Variants in STOX2 observed in about 807,000 individuals in gnomAD.
STOX2 encodes the protein storkhead box 2.
In STOX2, 28 loss-of-function variants were observed where a neutral mutation model predicts 60.9. The observed-to-expected ratio is 0.46, with a 90% CI of 0.34 to 0.63. The LOEUF (loss-of-function observed/expected upper bound fraction) is 0.63, where lower values mean the gene tolerates loss of function less well. Among genes scored for constraint, STOX2 ranks in the 30% least tolerant of loss-of-function variants. STOX2 has a pLI of 0.01. For missense variants in STOX2, 1,024 were observed against 1,187.7 expected, an observed-to-expected ratio of 0.86 and a Z score of 2.03; for synonymous variants, 472 against 463.9, an observed-to-expected ratio of 1.02 and a Z score of -0.22.
intron 2 of STOX2, among the ~76,000 whole-genome samples, chr4:184,003,546 G>A (rs1445095785): frequency 6.6e-6 from 1 of 152,208 alleles, no homozygotes; most frequent in Non-Finnish European, 1.5e-5. Flanking sequence ...TCAGAAGTTT[G>A]CAAGGACACC....
In STOX2 at chr4:183,800,962, A is replaced by G. The variant is rs142130263; in HGVS notation, c.364+2907A>G. Among the ~76,000 whole-genome samples the G allele has an allele frequency of 2.6e-3, 398 of 152,338 alleles. 2 individuals are homozygous for G. The highest frequency in any genetic ancestry group is 4.9e-3 in the Non-Finnish European group (330 of 68,038). Reference sequence around the variant, plus strand: ...CTTTTGTCTGGCTGTGCTGTGGTACAGTTGAGGCAAACCTACACTTTCACA... The same window carrying G: ...CTTTTGTCTGGCTGTGCTGTGGTACGGTTGAGGCAAACCTACACTTTCACA... On this transcript the variant is annotated intron_variant, in intron 1 of 2. Transcript: ENST00000513034.
intron 1 of STOX2, among the ~76,000 whole-genome samples, chr4:183,956,016 C>T (rs1289752270): frequency 6.6e-6 from 1 of 152,162 alleles, no homozygotes; most frequent in African/African-American, 2.4e-5. Context: ...CTGATTTCTC[C>T]TTTCAGCTAT....
Position 183,973,065 on chromosome 4 carries a change from T to C in STOX2, c.167-28260T>C, listed in dbSNP as rs535326695. Among the ~76,000 whole-genome samples the C allele has an allele frequency of 1.1e-4, 17 of 150,532 alleles. No individual in the cohort carries two copies. In the East Asian group the frequency reaches 3.1e-3, roughly 27 times the overall value. ...TCAATCTCAACAACAGAGAAAAAGA[T>C]TGAAAAAAAAATAAGTAAACAGAGC... On this transcript the variant is annotated intron_variant, in intron 1 of 3. Coordinates refer to ENST00000308497, the MANE Select transcript of STOX2 (RefSeq NM_020225.3).
chr4:183,937,479 A>T (rs1742619614), intron 1 of STOX2, among the ~76,000 whole-genome samples: 1 of 152,128 alleles, frequency 6.6e-6, no homozygotes. Flanking sequence ...TTGCTTAGGG[A>T]GGTCAGTGTT....
intron 1 of STOX2, among the ~76,000 whole-genome samples, chr4:183,898,810 G>A (rs781780486): frequency 3.9e-5 from 6 of 152,154 alleles, no homozygotes; most frequent in Non-Finnish European, 8.8e-5. Context: ...CGTCCTGAGT[G>A]GATTTGGCAG....
intron 1 of STOX2, among the ~76,000 whole-genome samples, chr4:183,832,843 CA>C (rs1214782304): frequency 6.6e-6 from 1 of 152,116 alleles, no homozygotes; most frequent in Non-Finnish European, 1.5e-5. Flanking sequence ...ACTCTCGGCT[CA>C]ATTAAAAAGA....
intron 1 of STOX2, among the ~76,000 whole-genome samples, chr4:183,924,429 C>T (rs1742184317): frequency 6.6e-6 from 1 of 152,004 alleles, no homozygotes. Context: ...GAGGGGCAGG[C>T]AGCCCAGCAG....
At chr4:183,910,913 G>A (rs1016435736) in intron 1 of STOX2, among the ~76,000 whole-genome samples, 11 of 152,192 alleles carry the variant, frequency 7.2e-5, no homozygotes, top group Admixed American at 2.0e-4. Flanking sequence ...GTTTGACTGT[G>A]TGTTCCAGTT....
chr4:183,908,022 C>A lies in STOX2; in HGVS notation c.166+1066C>A, dbSNP rs58893502. On this transcript the variant is annotated intron_variant, in intron 1 of 3. Coordinates refer to ENST00000308497, the MANE Select transcript of STOX2 (RefSeq NM_020225.3). ...ATTTTAAGCTTGTGGTTGGTACTTA[C>A]AGTCTAGCTTTACTCTTTTTCTCCT... 8.2e-3 allele frequency among the ~76,000 whole-genome samples: 1,254 copies of A among 152,332 alleles called. 20 individuals carry two copies. Among genetic ancestry groups the A allele is most frequent in the African/African-American group, 0.029 (1,205 of 41,568 alleles).
intron 1 of STOX2, among the ~76,000 whole-genome samples, chr4:183,892,396 A>C (rs898419017): frequency 6.6e-6 from 1 of 152,124 alleles, no homozygotes; most frequent in Admixed American, 6.5e-5. Context: ...CTCCTGCCTC[A>C]GCCTCCCGAG....
intron 1 of STOX2, chr4:183,853,361 C>A (rs1002428625): frequency 3.9e-5 from 6 of 152,190 alleles, no homozygotes; most frequent in African/African-American, 1.2e-4. Flanking sequence ...ATCTTCTGCC[C>A]AAGTGTTATC....
Position 183,845,603 on chromosome 4 carries a change from C to A in STOX2, c.364+47548C>A, listed in dbSNP as rs549863666. 5.9e-5 allele frequency among the ~76,000 whole-genome samples: 9 copies of A among 152,176 alleles called. No individual in the cohort carries two copies. The East Asian group carries it at 1.5e-3, about 26-fold the overall frequency. On this transcript the variant is annotated intron_variant, in intron 1 of 2. Transcript: ENST00000513034. ...TGCAAACTCACATACCTGTAAAGGC[C>A]ATGAAGATAATAGAGAAGTGATGTG...
intron 1 of STOX2, among the ~76,000 whole-genome samples, chr4:183,934,302 CA>C: frequency 6.6e-6 from 1 of 151,320 alleles, no homozygotes; most frequent in South Asian, 2.1e-4. Flanking sequence ...GACTCCCTCT[CA>C]AAAAAATAAA....
chr4:183,903,958 A>C (rs1438685753), upstream of STOX2, among the ~76,000 whole-genome samples: 2 of 152,136 alleles, frequency 1.3e-5, no homozygotes, highest in Non-Finnish European at 2.9e-5. Flanking sequence ...ATAAATATAC[A>C]CTCACCATAA....
intron 1 of STOX2, among the ~76,000 whole-genome samples, chr4:183,833,500 A>ATT (rs1215303625): frequency 6.6e-6 from 1 of 152,184 alleles, no homozygotes; most frequent in African/African-American, 2.4e-5. Context: ...GAGAGGAGAC[A>ATT]TTCTGAAAAA....
At chr4:183,818,802 G>A (rs1160072164) in intron 1 of STOX2, among the ~76,000 whole-genome samples, 4 of 151,626 alleles carry the variant, frequency 2.6e-5, no homozygotes, top group Non-Finnish European at 5.9e-5. Flanking sequence ...GTGGCTGCCG[G>A]GCGGAGGGGC....
At chr4:183,883,562 C>T (rs763482018) in intron 1 of STOX2, among the ~76,000 whole-genome samples, 13 of 152,096 alleles carry the variant, frequency 8.5e-5, no homozygotes, top group African/African-American at 1.4e-4. Flanking sequence ...GTGATCCACC[C>T]GTCTCGGCCT....
rs532678613 is a variant in STOX2 at position 183,939,084 on chromosome 4, AG to A, written c.166+32130del. 5.1e-3 allele frequency among the ~76,000 whole-genome samples: 773 copies of A among 152,328 alleles called. 5 individuals carry two copies. The highest frequency in any genetic ancestry group is 8.6e-3 in the Non-Finnish European group (582 of 68,030). ...TTGTAAAAGCTATCGGTAGCTAACC[AG>A]GTAATTTGGATGTTTAAGTGATTTG... is the stretch of plus-strand genomic sequence containing the variant. On this transcript the variant is annotated intron_variant, in intron 1 of 3. Transcript: ENST00000308497.
intron 1 of STOX2, among the ~76,000 whole-genome samples, chr4:183,885,421 C>T (rs560327865): frequency 6.6e-6 from 1 of 152,316 alleles, no homozygotes; most frequent in East Asian, 1.9e-4. Flanking sequence ...GTCCAAAGGC[C>T]TGCATTTCGT....
Sources: allele counts gnomAD v4.1 joint callset (sites outside exome capture counted in the v4.1 genomes callset), GRCh38; gene constraint gnomAD v4.1.1; transcripts MANE v1.5; gene names NCBI Gene and HGNC (gene_info 2026-07-23, HGNC 2026-07-21).